TINAG: variants seen among roughly 807,000 people sequenced by gnomAD.
The protein encoded by TINAG is tubulointerstitial nephritis antigen.
A neutral mutation model predicts 72.7 loss-of-function variants in TINAG; 83 were observed. The ratio of observed to expected loss-of-function variants is 1.14; its 90% CI spans 0.96 to 1.37. The LOEUF (loss-of-function observed/expected upper bound fraction) is 1.37, where lower values mean the gene tolerates loss of function less well. TINAG is among the 40% of genes most tolerant of loss of function. The pLI is 0.00. For synonymous variants in TINAG, 234 were observed against 189.9 expected, an observed-to-expected ratio of 1.23 and a Z score of -1.91; for missense variants, 685 against 576.6, an observed-to-expected ratio of 1.19 and a Z score of -1.93.
intron 3 of TINAG, among the ~76,000 whole-genome samples, chr6:54,325,353 T>C (rs1216659490): frequency 6.6e-6 from 1 of 152,212 alleles, no homozygotes. Flanking sequence ...GATAGATCAA[T>C]TAAGAAAGTT....
At chr6:54,383,311 G>C (rs1562187646) in intron 10 of TINAG, among the ~76,000 whole-genome samples, 1 of 152,054 alleles carries the variant, frequency 6.6e-6, no homozygotes, top group Non-Finnish European at 1.5e-5. Flanking sequence ...TTTTATTTCT[G>C]CACAATTATA....
chr6:54,362,012 G>T (rs1763252707), intron 9 of TINAG, among the ~76,000 whole-genome samples: 1 of 151,584 alleles, frequency 6.6e-6, no homozygotes, highest in African/African-American at 2.4e-5. Context: ...GCAGAGATTG[G>T]TTCATAAGGC....
intron 1 of TINAG, among the ~76,000 whole-genome samples, chr6:54,317,350 T>A (rs1784394944): frequency 6.6e-6 from 1 of 152,138 alleles, no homozygotes; most frequent in South Asian, 2.1e-4. Flanking sequence ...CCCATAATTC[T>A]CACCTGTCAT....
chr6:54,349,403 C>T (rs941517435), intron 6 of TINAG, among the ~76,000 whole-genome samples: 2 of 151,782 alleles, frequency 1.3e-5, no homozygotes, highest in Admixed American at 6.6e-5. Context: ...GGGTCCTTCC[C>T]CTATTAATAT....
At chr6:54,388,275 C>T (rs1015169323) in intron 10 of TINAG, among the ~76,000 whole-genome samples, 3 of 152,134 alleles carry the variant, frequency 2.0e-5, no homozygotes, top group African/African-American at 7.2e-5. Flanking sequence ...CACACATTGA[C>T]GCTGTTTCCT....
At chr6:54,378,616 TAA>T (rs746059450) in intron 9 of TINAG, among the ~76,000 whole-genome samples, 9 of 152,186 alleles carry the variant, frequency 5.9e-5, no homozygotes, top group Non-Finnish European at 1.2e-4. Flanking sequence ...TCGTATTTCT[TAA>T]AAGTTTCCAA....
At chr6:54,386,043 C>T (rs919110018) in intron 10 of TINAG, among the ~76,000 whole-genome samples, 5 of 151,846 alleles carry the variant, frequency 3.3e-5, no homozygotes, top group African/African-American at 1.2e-4. Flanking sequence ...AGACACCCGC[C>T]ACCACACCTG....
chr6:54,311,526 C>A (rs1486169583), intron 1 of TINAG, among the ~76,000 whole-genome samples: 1 of 152,204 alleles, frequency 6.6e-6, no homozygotes, highest in East Asian at 1.9e-4. Context: ...ACGTCTCTAA[C>A]AATTAGTATT....
At chr6:54,317,522 C>T (rs1374022917) in intron 1 of TINAG, among the ~76,000 whole-genome samples, 1 of 152,082 alleles carries the variant, frequency 6.6e-6, no homozygotes, top group Non-Finnish European at 1.5e-5. Context: ...TCTCTTTGCT[C>T]TTCCTTCGTC....
intron 10 of TINAG, among the ~76,000 whole-genome samples, chr6:54,381,791 T>A (rs963976138): frequency 4.6e-5 from 7 of 152,152 alleles, no homozygotes; most frequent in Non-Finnish European, 1.0e-4. Context: ...TTTGAACAGT[T>A]TTTTAATCTC....
chr6:54,351,772 A>G lies in TINAG; in HGVS notation c.1126+375A>G, dbSNP rs541203749. Among the ~76,000 whole-genome samples, 20 of 152,054 alleles carry G rather than the reference A, an allele frequency of 1.3e-4. No homozygotes were observed. The East Asian group carries it at 3.5e-3, about 27-fold the overall frequency. On this transcript the variant is annotated intron_variant, in intron 8 of 10. Transcript: ENST00000259782. ...ATTCAGTCATATTTAAGAATCATAC[A>G]TACAGTTTTCTTATCTTCAGTTTAA...
chr6:54,331,478 A>G (rs545289487), intron 4 of TINAG, among the ~76,000 whole-genome samples: 31 of 152,356 alleles, frequency 2.0e-4, no homozygotes, highest in Middle Eastern at 3.4e-3. Flanking sequence ...AGAATTATCT[A>G]TGACAAACCC....
intron 4 of TINAG, among the ~76,000 whole-genome samples, chr6:54,340,233 T>C (rs1375744133): frequency 6.6e-6 from 1 of 152,120 alleles, no homozygotes; most frequent in Non-Finnish European, 1.5e-5. Context: ...GGTTAGATCC[T>C]GATTAAAATA....
chr6:54,367,341 A>G (rs554293126), intron 9 of TINAG, among the ~76,000 whole-genome samples: 3 of 151,926 alleles, frequency 2.0e-5, no homozygotes, highest in South Asian at 4.1e-4. Context: ...AAGCTGAATA[A>G]CATTTAAAAA....
intron 4 of TINAG, among the ~76,000 whole-genome samples, chr6:54,333,741 A>G (rs899878103): frequency 6.6e-6 from 1 of 152,220 alleles, no homozygotes; most frequent in Non-Finnish European, 1.5e-5. Flanking sequence ...TCAGTGTGCC[A>G]GTACTTCAGC....
intron 4 of TINAG, among the ~76,000 whole-genome samples, chr6:54,333,270 A>C (rs1784784323): frequency 6.6e-6 from 1 of 152,190 alleles, no homozygotes; most frequent in African/African-American, 2.4e-5. Flanking sequence ...AATATATACC[A>C]TGGAATACTA....
At chr6:54,377,467 G>C (rs1562184105) in intron 9 of TINAG, among the ~76,000 whole-genome samples, 1 of 152,020 alleles carries the variant, frequency 6.6e-6, no homozygotes, top group Non-Finnish European at 1.5e-5. Context: ...AGCCGATACT[G>C]TGTCACTGCA....
chr6:54,317,936 C>A (rs777841974), intron 1 of TINAG, among the ~76,000 whole-genome samples: 13 of 152,010 alleles, frequency 8.6e-5, no homozygotes, highest in Non-Finnish European at 1.5e-4. Flanking sequence ...TTTTTGTGTT[C>A]TTGGCCTCTC....
chr6:54,323,027 G>T (rs1037533631), intron 3 of TINAG, among the ~76,000 whole-genome samples: 3 of 152,210 alleles, frequency 2.0e-5, no homozygotes, highest in Non-Finnish European at 4.4e-5. Context: ...CACAGAGGTT[G>T]TTGGGAATGC....
Sources: gnomAD v4.1 joint callset for allele counts (sites outside exome capture counted in the v4.1 genomes callset) on GRCh38, gnomAD v4.1.1 for gene constraint, MANE v1.5 for transcripts, NCBI Gene and HGNC (gene_info 2026-07-23, HGNC 2026-07-21) for gene names.